The following NCOA3 variants were observed in gnomAD, a reference collection of about 807,000 sequenced individuals.
NCOA3 encodes CBP-interacting protein.
A neutral mutation model predicts 158.8 loss-of-function variants in NCOA3; 51 were observed. That is an observed-to-expected ratio of 0.32 (90% CI 0.26 to 0.41). The LOEUF is 0.41. NCOA3 is among the 10% of genes least tolerant of loss of function. The pLI is 1.00. For missense variants in NCOA3, 1,510 were observed against 1,746.6 expected (o/e 0.86, Z 2.41); for synonymous variants, 537 against 592.4 (o/e 0.91, Z 1.36).
At position 47,503,628 on chromosome 20, in the gene NCOA3, T is replaced by C. The variant is rs182002673; in HGVS notation, c.-99+1609T>C. Among the ~76,000 whole-genome samples the C allele has an allele frequency of 7.7e-3, 1,168 of 152,304 alleles. 14 individuals carry two copies. The highest frequency in any genetic ancestry group is 9.5e-3 in the Non-Finnish European group (647 of 68,022). On this transcript the variant is annotated intron_variant, in intron 1 of 22. Transcript: ENST00000371998. Reference sequence around the variant, plus strand: ...ATGTGGGAATACTGTTTTTGCTCTCTTAAAAAAAATGTTGATAGCTATTGG... The same window carrying C: ...ATGTGGGAATACTGTTTTTGCTCTCCTAAAAAAAATGTTGATAGCTATTGG...
At chr20:47,502,887 G>A (rs2083963814) in intron 1 of NCOA3, among the ~76,000 whole-genome samples, 2 of 152,016 alleles carry the variant, frequency 1.3e-5, no homozygotes, top group African/African-American at 4.8e-5. Context: ...GAGAGAGCGA[G>A]CATCTACCTC....
chr20:47,643,291 CAG>C (rs1334243738), intron 17 of NCOA3, among the ~76,000 whole-genome samples: 3 of 152,232 alleles, frequency 2.0e-5, no homozygotes, highest in Non-Finnish European at 4.4e-5. Flanking sequence ...GAAAGATCAT[CAG>C]GGGCTGTCAG....
chr20:47,561,660 T>C (rs2085108902), intron 1 of NCOA3, among the ~76,000 whole-genome samples: 1 of 151,900 alleles, frequency 6.6e-6, no homozygotes, highest in African/African-American at 2.4e-5. Flanking sequence ...TATAGGAAAA[T>C]GGAGAGGAGG....
At chr20:47,527,145 G>T (rs138915285) in intron 1 of NCOA3, among the ~76,000 whole-genome samples, 193 of 152,252 alleles carry the variant, frequency 1.3e-3, no homozygotes, top group African/African-American at 4.6e-3. Flanking sequence ...AATAAAGACA[G>T]TTTAATTCCT....
chr20:47,512,494 G>C (rs1050138483), intron 1 of NCOA3, among the ~76,000 whole-genome samples: 6 of 151,380 alleles, frequency 4.0e-5, no homozygotes, highest in South Asian at 4.2e-4. Flanking sequence ...CTTGAACCCG[G>C]CAGGCGAAGG....
intron 1 of NCOA3, among the ~76,000 whole-genome samples, chr20:47,549,638 TGATTTAATGA>T: frequency 6.6e-6 from 1 of 152,022 alleles, no homozygotes; most frequent in South Asian, 2.1e-4. Flanking sequence ...TGAGCACAGA[TGATTTAATGA>T]GATCAGTTTC....
rs533635721 is a variant in NCOA3, at chr20:47,536,207, C to T, written c.-99+34188C>T. ...AGCACTCACCATGTACCCTACTCAT[C>T]TCTACCCAGCACTTACTTCCCTGCC... On this transcript the variant is annotated intron_variant, in intron 1 of 22. Coordinates refer to ENST00000371998, the MANE Select transcript of NCOA3 (RefSeq NM_181659.3). 7.2e-4 allele frequency among the ~76,000 whole-genome samples: 109 copies of T among 152,320 alleles called. 1 individual carries two copies. Among genetic ancestry groups the T allele is most frequent in the Admixed American group, 5.4e-3 (82 of 15,300 alleles).
At chr20:47,506,101 G>C (rs980932995) in intron 1 of NCOA3, among the ~76,000 whole-genome samples, 1 of 152,082 alleles carries the variant, frequency 6.6e-6, no homozygotes, top group Non-Finnish European at 1.5e-5. Context: ...CACCGCTCCC[G>C]GCCCATTTTC....
intron 1 of NCOA3, among the ~76,000 whole-genome samples, chr20:47,504,135 T>A (rs1257823467): frequency 6.6e-6 from 1 of 152,234 alleles, no homozygotes; most frequent in Admixed American, 6.5e-5. Flanking sequence ...ATGGTTGTTT[T>A]AACAGCTTGC....
intron 1 of NCOA3, among the ~76,000 whole-genome samples, chr20:47,525,718 C>G (rs1237063914): frequency 7.8e-6 from 1 of 128,680 alleles, no homozygotes; most frequent in African/African-American, 3.5e-5. Flanking sequence ...GGGGGCTGAC[C>G]CCCCCACCTC....
chr20:47,564,546 CTT>C (rs11478554), intron 1 of NCOA3, among the ~76,000 whole-genome samples: 50 of 144,672 alleles, frequency 3.5e-4, no homozygotes, highest in East Asian at 2.4e-3. Context: ...TATTTCTCCT[CTT>C]TTTTTTTTTT....
At chr20:47,643,180 C>T (rs568211566) in intron 17 of NCOA3, among the ~76,000 whole-genome samples, 1 of 152,362 alleles carries the variant, frequency 6.6e-6, no homozygotes, top group South Asian at 2.1e-4. Context: ...TCCCAAAGTG[C>T]TGGGATTACA....
chr20:47,566,264 A>G (rs1291906843), intron 1 of NCOA3, among the ~76,000 whole-genome samples: 1 of 152,064 alleles, frequency 6.6e-6, no homozygotes, highest in Non-Finnish European at 1.5e-5. Flanking sequence ...TCATTGGTCT[A>G]CAGTGTGAGT....
intron 17 of NCOA3, among the ~76,000 whole-genome samples, chr20:47,643,924 A>C (rs2086648772): frequency 6.7e-6 from 1 of 150,238 alleles, no homozygotes; most frequent in South Asian, 2.1e-4. Context: ...TTCTCTTTGG[A>C]ATGATTTAGG....
intron 1 of NCOA3, among the ~76,000 whole-genome samples, chr20:47,546,421 C>T (rs1174446597): frequency 7.9e-5 from 12 of 151,938 alleles, no homozygotes; most frequent in Admixed American, 6.6e-5. Context: ...AATCCTAAAC[C>T]GGTTTGTCAT....
intron 1 of NCOA3, among the ~76,000 whole-genome samples, chr20:47,548,522 T>A (rs1336301381): frequency 6.6e-6 from 1 of 151,744 alleles, no homozygotes; most frequent in Non-Finnish European, 1.5e-5. Flanking sequence ...CCAGCCTGGG[T>A]GGCAAGAGTG....
Position 47,605,112 on chromosome 20 carries a change from C to T in NCOA3, c.-19-17117C>T, listed in dbSNP as rs938553179. 8.5e-5 allele frequency among the ~76,000 whole-genome samples: 13 copies of T among 152,330 alleles called. No homozygotes were observed. In the South Asian group the frequency reaches 1.5e-3, roughly 17 times the overall value. ...CGATCTCTTGACCTCGTGATCCGCC[C>T]GCCTTGGCCTCCCAAAGTGCTGGGA... On this transcript the variant is annotated intron_variant, in intron 2 of 22. Transcript: ENST00000371998.
intron 1 of NCOA3, among the ~76,000 whole-genome samples, chr20:47,550,683 A>T (rs1568675084): frequency 6.6e-6 from 1 of 152,154 alleles, no homozygotes; most frequent in African/African-American, 2.4e-5. Context: ...TGTAATTAAG[A>T]TTATACTGAA....
intron 1 of NCOA3, among the ~76,000 whole-genome samples, chr20:47,543,790 G>A (rs1169460870): frequency 1.3e-5 from 2 of 152,170 alleles, no homozygotes; most frequent in African/African-American, 4.8e-5. Flanking sequence ...GATTACAGGC[G>A]TGAGCCACTG....
Sources: gnomAD v4.1 joint callset for allele counts (sites outside exome capture counted in the v4.1 genomes callset) on GRCh38, gnomAD v4.1.1 for gene constraint, MANE v1.5 for transcripts, NCBI Gene and HGNC (gene_info 2026-07-23, HGNC 2026-07-21) for gene names.